Variants in SGO1 observed in about 807,000 individuals in gnomAD.
The protein encoded by SGO1 is serologically defined breast cancer antigen NY-BR-85.
In SGO1, 39 loss-of-function variants were observed where a neutral mutation model predicts 50.5. That is an observed-to-expected ratio of 0.77 (90% CI 0.60 to 1.01). The LOEUF (loss-of-function observed/expected upper bound fraction) is 1.01. Among genes scored for constraint, SGO1 ranks in the 50% least tolerant of loss-of-function variants. SGO1 has a pLI of 0.00. For synonymous variants in SGO1, 191 were observed against 205.1 expected (o/e 0.93, Z 0.59); for missense variants, 638 against 606.0 (o/e 1.05, Z -0.55).
intron 4 of SGO1, 74 bp from the exon 5 acceptor site, chr3:20,176,733 A>G (rs1701434727): frequency 4.8e-6 from 5 of 1,032,442 alleles, no homozygotes; most frequent in Non-Finnish European, 5.7e-6. Context: ...TTCCTAAATT[A>G]TAATTTTTCT....
rs1264040980 is a variant in SGO1, at chr3:20,174,413, C to G, written c.1118G>C (p.Gly373Ala). The G allele has an allele frequency of 4.3e-6, 7 of 1,614,012 alleles. No homozygotes were observed. The African/African-American group carries it at 9.3e-5, about 22-fold the overall frequency. The change falls in exon 6 of 8, where the codon GGT becomes GCT. Residue 373 changes from glycine (G) to alanine (A), a missense_variant. By Grantham distance (60) the Gly-to-Ala change is moderately conservative. Transcript: ENST00000412997. ...GAGGTCATCGGAATCATCTCCTGAA[C>G]CACTTGATTCACAGAGGCTCACTTC... is the stretch of plus-strand genomic sequence containing the variant. ...ESEVSLCESS[G>A]SGDDSDDLYL...
intron 6 of SGO1, among the ~76,000 whole-genome samples, chr3:20,173,492 G>A (rs973887822): frequency 6.6e-6 from 1 of 152,154 alleles, no homozygotes; most frequent in South Asian, 2.1e-4. Context: ...CTAACTGGCC[G>A]ATTTAGAAAG....
At chr3:20,165,361 A>C (rs1363079618), downstream of SGO1, among the ~76,000 whole-genome samples, 1 of 152,214 alleles carries the variant, frequency 6.6e-6, no homozygotes, top group African/African-American at 2.4e-5. Flanking sequence ...TAGATCCCCC[A>C]GCAACACTGG....
chr3:20,176,252 C>G (rs1701375852), intron 5 of SGO1, among the ~76,000 whole-genome samples: 1 of 152,120 alleles, frequency 6.6e-6, no homozygotes, highest in Admixed American at 6.6e-5. Flanking sequence ...ATTTTACCTT[C>G]TTGAGTTCCT....
chr3:20,161,019 A>T (rs1700008768), exon 9 of SGO1: 2 of 1,585,120 alleles, frequency 1.3e-6, no homozygotes, highest in Non-Finnish European at 1.7e-6. Context: ...CCCCCAACAC[A>T]TAAAGCTAGA....
At chr3:20,184,927 A>C (rs77555149) in intron 1 of SGO1, among the ~76,000 whole-genome samples, 3 of 31,198 alleles carry the variant, frequency 9.6e-5, no homozygotes, top group South Asian at 1.8e-3. Flanking sequence ...TTAAAATTGC[A>C]AAAAAAAAAG....
chr3:20,179,289 G>A (rs1322319013), intron 3 of SGO1, among the ~76,000 whole-genome samples: 1 of 152,152 alleles, frequency 6.6e-6, no homozygotes, highest in African/African-American at 2.4e-5. Flanking sequence ...TCTTTAAGTG[G>A]AGATAGCAAA....
chr3:20,165,372 G>A (rs1176553330), downstream of SGO1, among the ~76,000 whole-genome samples: 2 of 152,060 alleles, frequency 1.3e-5, no homozygotes, highest in Non-Finnish European at 2.9e-5. Context: ...GCAACACTGG[G>A]GATCAGATTT....
Position 20,169,574 on chromosome 3 carries a change from TTTC to T in SGO1, c.*1127_*1129del. 1 of 985,330 alleles carries T rather than the reference TTTC, an allele frequency of 1.0e-6. No homozygotes were observed. The highest frequency in any genetic ancestry group is 1.2e-6 in the Non-Finnish European group (1 of 829,814). The allele number at this position is 985,330 out of a possible 1,614,324, so 61.0% of individuals were successfully genotyped here. Reference sequence around the variant, plus strand: ...GTATATACAAGTATAGACATCAAACTTTCTAAACTGAACTAATTCGCTTTCATT... The same window carrying T: ...GTATATACAAGTATAGACATCAAACTTAAACTGAACTAATTCGCTTTCATT... On this transcript the variant is annotated 3_prime_UTR_variant, in exon 8 of 8. Transcript: ENST00000412997.
rs763248748 is a variant in SGO1, at chr3:20,174,854, A to G, written c.677T>C (p.Val226Ala). Residue 226 changes from valine (V) to alanine (A), a missense_variant, in exon 6 of 8, where the codon GTT becomes GCT. Val to Ala is a moderately conservative substitution (Grantham distance 64, BLOSUM62 0). Coordinates refer to ENST00000412997, the MANE Select transcript of SGO1 (RefSeq NM_001199251.3). ...GTTTACTAGTGGGTCTAAAAATCCA[A>G]CTCTTTCGAATTCAAAAGACTTCCC... ...LAGKSFEFERVGFLDPLVNMH... is the reference protein window; with the variant it reads ...LAGKSFEFERAGFLDPLVNMH... 4 of 1,613,970 alleles carry G rather than the reference A, an allele frequency of 2.5e-6. No homozygotes were observed. Among genetic ancestry groups the G allele is most frequent in the Non-Finnish European group, 2.5e-6 (3 of 1,179,974 alleles).
At chr3:20,179,560 G>T (rs1235544678) in intron 3 of SGO1, among the ~76,000 whole-genome samples, 1 of 152,052 alleles carries the variant, frequency 6.6e-6, no homozygotes, top group Non-Finnish European at 1.5e-5. Flanking sequence ...AAGTAGCTGG[G>T]ACTACAGGTG....
chr3:20,167,656 A>T (rs759219346), downstream of SGO1, among the ~76,000 whole-genome samples: 30 of 152,204 alleles, frequency 2.0e-4, no homozygotes, highest in Admixed American at 1.3e-4. Flanking sequence ...TTAATGTCTA[A>T]TAAAACTAAG....
At chr3:20,169,126 G>C (rs1218046261), downstream of SGO1, 13 of 985,222 alleles carry the variant, frequency 1.3e-5, no homozygotes, top group Non-Finnish European at 1.6e-5. Context: ...ATGATGAAAA[G>C]GATTTTGGCT....
chr3:20,172,501 C>T (rs376177125), intron 6 of SGO1, among the ~76,000 whole-genome samples: 10 of 102,530 alleles, frequency 9.8e-5, no homozygotes, highest in African/African-American at 3.2e-4. Flanking sequence ...AACTCTGTTT[C>T]AAAAAAAAAA....
At position 20,178,234 on chromosome 3, in the gene SGO1, T is replaced by C. The variant is rs767275318; in HGVS notation, c.416+37A>G. On this transcript the variant is annotated intron_variant, in intron 4 of 7. Transcript: ENST00000412997. ...ATGAATCACAGAATTAAACCTTTCTTAGTATTAATAATCATGATAAAGAAT... is the reference window on the plus strand; with the variant it reads ...ATGAATCACAGAATTAAACCTTTCTCAGTATTAATAATCATGATAAAGAAT... 4.4e-6 allele frequency: 6 copies of C among 1,369,198 alleles called. No individual in the cohort carries two copies. In the South Asian group the frequency reaches 7.1e-5, roughly 16 times the overall value. 84.8% of individuals were successfully genotyped at this position (1,369,198 alleles called of 1,614,324 possible). A position where few individuals can be genotyped will look rare whatever the true frequency, so the allele number is the denominator to read the frequency against.
rs1452879610 is a variant in SGO1, at chr3:20,185,421, G to T, written c.-8+527C>A. Among the ~76,000 whole-genome samples the T allele has an allele frequency of 2.6e-5, 4 of 152,328 alleles. No individual in the cohort carries two copies. The East Asian group carries it at 5.8e-4, about 22-fold the overall frequency. On this transcript the variant is annotated intron_variant, in intron 1 of 7. Transcript: ENST00000412997. The stretch of plus-strand genomic sequence containing the variant: ...ATAAGGCGATGGTTATTAGCAGGGG[G>T]TGTGGTAGACAGAAGGGATGAAAGC...
At position 20,173,774 on chromosome 3, in the gene SGO1, G is replaced by A. The variant is rs146480299; in HGVS notation, c.1282+475C>T. Among the ~76,000 whole-genome samples, 112 of 152,174 alleles carry A rather than the reference G, an allele frequency of 7.4e-4. 1 individual carries two copies. The highest frequency in any genetic ancestry group is 9.2e-4 in the Admixed American group (14 of 15,290). On this transcript the variant is annotated intron_variant, in intron 6 of 7. Coordinates refer to ENST00000412997, the MANE Select transcript of SGO1 (RefSeq NM_001199251.3). ...TTCTGAGCCAGTTTTTAGAGATGTC[G>A]TACAAAAGAATACTAAGCCTATCAA...
At chr3:20,171,270 A>T in intron 6 of SGO1, 38 bp from the exon 7 acceptor site, 1 of 1,497,240 alleles carries the variant, frequency 6.7e-7, no homozygotes, top group Non-Finnish European at 8.9e-7. Context: ...TTTAAAAAAA[A>T]AAACCCACAC....
Position 20,183,596 on chromosome 3 carries a change from TAATGAA to T in SGO1, c.339+6_339+11del. 1.3e-6 allele frequency: 2 copies of T among 1,557,134 alleles called. No individual in the cohort carries two copies. Among genetic ancestry groups the T allele is most frequent in the South Asian group, 2.4e-5 (2 of 82,552 alleles). On this transcript the variant is annotated splice_donor_region_variant and intron_variant, in intron 3 of 7. Coordinates refer to ENST00000412997, the MANE Select transcript of SGO1 (RefSeq NM_001199251.3). Reference sequence around the variant, plus strand: ...ACTAAACTAAGAAATTCGGCCTTAGTAATGAAAATACCTGAGCAGGTTCTACTGTTT... The same window carrying T: ...ACTAAACTAAGAAATTCGGCCTTAGTAATACCTGAGCAGGTTCTACTGTTT...
Sources: gnomAD v4.1 joint callset for allele counts (sites outside exome capture counted in the v4.1 genomes callset) on GRCh38, gnomAD v4.1.1 for gene constraint, MANE v1.5 for transcripts, NCBI Gene and HGNC (gene_info 2026-07-23, HGNC 2026-07-21) for gene names.